Variants in STYK1 observed in about 807,000 individuals in gnomAD.
STYK1 encodes STY kinase 1.
In STYK1, 46 loss-of-function variants were observed where a neutral mutation model predicts 48.1. The observed-to-expected ratio is 0.96, with a 90% CI of 0.75 to 1.22. The LOEUF (loss-of-function observed/expected upper bound fraction) is 1.22, where lower values mean the gene tolerates loss of function less well. STYK1 is among the 50% of genes most tolerant of loss of function. STYK1 has a pLI of 0.00. For missense variants in STYK1, 527 were observed against 521.1 expected, an observed-to-expected ratio of 1.01 and a Z score of -0.11; for synonymous variants, 188 against 189.0, an observed-to-expected ratio of 0.99 and a Z score of 0.04.
intron 5 of STYK1, among the ~76,000 whole-genome samples, chr12:10,630,737 G>A (rs1424884903): frequency 1.3e-5 from 2 of 151,726 alleles, no homozygotes; most frequent in South Asian, 2.1e-4. Flanking sequence ...CAGAAGGAAT[G>A]TACCTCAACA....
intron 1 of STYK1, among the ~76,000 whole-genome samples, chr12:10,670,231 C>T (rs1358293201): frequency 6.6e-6 from 1 of 152,036 alleles, no homozygotes; most frequent in African/African-American, 2.4e-5. Flanking sequence ...GTATAGATAG[C>T]AAGAAAATGA....
At chr12:10,627,788 A>G in intron 6 of STYK1, 64 bp from the exon 7 acceptor site, 1 of 1,403,686 alleles carries the variant, frequency 7.1e-7, no homozygotes, top group South Asian at 1.3e-5. Flanking sequence ...GAAAAGAAAT[A>G]AAGTTGGGCA....
At chr12:10,637,434 T>G (rs954350728) in intron 1 of STYK1, among the ~76,000 whole-genome samples, 1 of 151,100 alleles carries the variant, frequency 6.6e-6, no homozygotes, top group Non-Finnish European at 1.5e-5. Flanking sequence ...ACCTCCCAGG[T>G]TCATGCCATT....
At chr12:10,620,379 T>C in intron 10 of STYK1, 31 bp from the exon 11 acceptor site, 4 of 1,606,738 alleles carry the variant, frequency 2.5e-6, no homozygotes, top group Admixed American at 1.7e-5. Context: ...ACTGACTTCC[T>C]TGACAAGGCA....
At chr12:10,670,282 A>T (rs1480944804) in intron 1 of STYK1, among the ~76,000 whole-genome samples, 1 of 152,168 alleles carries the variant, frequency 6.6e-6, no homozygotes, top group Non-Finnish European at 1.5e-5. Context: ...TCTGCACGCC[A>T]TGTTTATTGC....
At chr12:10,635,163 C>G (rs1171853592) in intron 2 of STYK1, among the ~76,000 whole-genome samples, 1 of 152,174 alleles carries the variant, frequency 6.6e-6, no homozygotes, top group Non-Finnish European at 1.5e-5. Context: ...TGTAGCCAGG[C>G]TTGAGTGCAG....
intron 1 of STYK1, among the ~76,000 whole-genome samples, chr12:10,665,745 G>A (rs1947827411): frequency 6.6e-6 from 1 of 152,172 alleles, no homozygotes; most frequent in African/African-American, 2.4e-5. Context: ...CATTGATGGA[G>A]CTTTAAGAAT....
chr12:10,650,452 T>C (rs1031493695), intron 1 of STYK1, among the ~76,000 whole-genome samples: 9 of 152,234 alleles, frequency 5.9e-5, no homozygotes, highest in African/African-American at 1.2e-4. Context: ...GTGCCTCTTC[T>C]AGCAAGAATT....
intron 1 of STYK1, among the ~76,000 whole-genome samples, chr12:10,643,837 G>A (rs57603976): frequency 0.02 from 3,056 of 152,288 alleles, 102 homozygotes; most frequent in African/African-American, 0.07. Context: ...GAGAAAACAC[G>A]AAGAGATGGC....
chr12:10,650,034 A>C (rs1947644256), intron 1 of STYK1, among the ~76,000 whole-genome samples: 1 of 143,968 alleles, frequency 6.9e-6, no homozygotes. Flanking sequence ...GAATGGCATC[A>C]ACCCAAGGCG....
chr12:10,625,077 A>C (rs1475973303), intron 7 of STYK1, among the ~76,000 whole-genome samples: 2 of 152,226 alleles, frequency 1.3e-5, no homozygotes, highest in Non-Finnish European at 2.9e-5. Flanking sequence ...TTCAAATGAC[A>C]TTAATACTGG....
intron 1 of STYK1, among the ~76,000 whole-genome samples, chr12:10,669,051 T>TTAGGGACCAGCTA (rs1314578805): frequency 1.1e-3 from 162 of 152,304 alleles, no homozygotes; most frequent in African/African-American, 3.7e-3. Context: ...GAATAAAAGT[T>TTAGGGACCAGCTA]TAGGGACCAG....
chr12:10,624,805 G>A lies in STYK1; in HGVS notation c.772C>T (p.Leu258=). Residue 258 remains leucine (L), a synonymous_variant, in exon 8 of 11, where the codon CTG becomes TTG. Transcript: ENST00000075503. ...FHGDVAARNI[L]MQSDLTAKLC... is the part of the protein sequence containing the mutation. ...TTAGCAGTGAGATCACTTTGCATCA[G>A]AATATTCCTGGCTGCCACATCCCCA... 6.2e-7 allele frequency: 1 copy of A among 1,614,144 alleles called. No individual in the cohort carries two copies. Among genetic ancestry groups the A allele is most frequent in the South Asian group, 1.1e-5 (1 of 91,082 alleles).
At chr12:10,658,070 G>A (rs1947737499) in intron 1 of STYK1, among the ~76,000 whole-genome samples, 1 of 152,164 alleles carries the variant, frequency 6.6e-6, no homozygotes, top group African/African-American at 2.4e-5. Context: ...ATCTTGTGAA[G>A]GAAATTCTGT....
intron 1 of STYK1, among the ~76,000 whole-genome samples, chr12:10,652,358 C>T (rs113304889): frequency 2.0e-5 from 3 of 152,058 alleles, no homozygotes; most frequent in African/African-American, 7.2e-5. Context: ...GTTTTAATTC[C>T]TAATCTGTAA....
At chr12:10,626,207 A>C (rs532318980) in intron 7 of STYK1, among the ~76,000 whole-genome samples, 1 of 152,336 alleles carries the variant, frequency 6.6e-6, no homozygotes, top group East Asian at 1.9e-4. Context: ...GTTAAAAGTA[A>C]GAAAAAAATA....
chr12:10,631,241 C>A lies in STYK1; in HGVS notation c.255G>T (p.Leu85Phe). 1 of 1,614,206 alleles carries A rather than the reference C, an allele frequency of 6.2e-7. No homozygotes were observed. Among genetic ancestry groups the A allele is most frequent in the East Asian group, 2.2e-5 (1 of 44,888 alleles). ...TTTCCACGGATGTCTCCTTAAGTGG[C>A]AAAGCCACATTTCCTCCATGTCCTG... ...WEAGHGGNVA[L>F]PLKETSVENF... Residue 85 changes from leucine (L) to phenylalanine (F), a missense_variant, in exon 5 of 11, where the codon TTG (leucine) becomes TTT (phenylalanine). Transcript: ENST00000075503.
At chr12:10,663,203 C>A (rs557582847) in intron 1 of STYK1, among the ~76,000 whole-genome samples, 1 of 152,168 alleles carries the variant, frequency 6.6e-6, no homozygotes. Flanking sequence ...CAGCCTCAAG[C>A]TCTGGACTCA....
At chr12:10,627,965 A>G (rs1947378230) in intron 6 of STYK1, among the ~76,000 whole-genome samples, 1 of 152,234 alleles carries the variant, frequency 6.6e-6, no homozygotes, top group Admixed American at 6.5e-5. Flanking sequence ...TATAAATAAG[A>G]CTATCCACTG....
Sources: allele counts gnomAD v4.1 joint callset (sites outside exome capture counted in the v4.1 genomes callset), GRCh38; gene constraint gnomAD v4.1.1; transcripts MANE v1.5; gene names NCBI Gene and HGNC (gene_info 2026-07-23, HGNC 2026-07-21).